Variants in BMPR1B observed in about 807,000 individuals in gnomAD.
BMPR1B encodes the protein bone morphogenetic protein receptor type 1B.
A neutral mutation model predicts 59.1 loss-of-function variants in BMPR1B; 12 were observed. The observed-to-expected ratio is 0.20, with a 90% CI of 0.13 to 0.33. The LOEUF (loss-of-function observed/expected upper bound fraction) is 0.33, where lower values mean the gene tolerates loss of function less well. Ranked by LOEUF, BMPR1B falls within the 10% of genes least tolerant of loss-of-function variation. The pLI, the probability that BMPR1B is intolerant of heterozygous loss-of-function variation, is 1.00. For synonymous variants in BMPR1B, 237 were observed against 207.3 expected (o/e 1.14, Z -1.23); for missense variants, 550 against 610.9 (o/e 0.90, Z 1.05).
At chr4:94,889,476 A>G (rs1376226709) in intron 2 of BMPR1B, among the ~76,000 whole-genome samples, 2 of 152,260 alleles carry the variant, frequency 1.3e-5, no homozygotes, top group East Asian at 1.9e-4. Context: ...TCCAGAGCTC[A>G]TGCATGTTCT....
At chr4:95,062,896 T>C (rs1241997197) in intron 3 of BMPR1B, among the ~76,000 whole-genome samples, 1 of 152,186 alleles carries the variant, frequency 6.6e-6, no homozygotes, top group Non-Finnish European at 1.5e-5. Flanking sequence ...ATACTGACTT[T>C]GGTTTTGCAA....
At chr4:94,853,761 A>G (rs1236238259) in intron 1 of BMPR1B, among the ~76,000 whole-genome samples, 1 of 152,154 alleles carries the variant, frequency 6.6e-6, no homozygotes, top group Admixed American at 6.5e-5. Flanking sequence ...ATTTCTCCAA[A>G]TCACTGCAAA....
At chr4:94,857,463 T>G (rs12510077) in intron 1 of BMPR1B, among the ~76,000 whole-genome samples, 16,996 of 152,266 alleles carry the variant, frequency 0.11, 1,257 homozygotes, top group East Asian at 0.22. Context: ...TCTAGTGGAC[T>G]ATAAGATATT....
intron 1 of BMPR1B, among the ~76,000 whole-genome samples, chr4:94,789,718 A>C (rs1722903099): frequency 2.0e-5 from 3 of 152,200 alleles, no homozygotes; most frequent in African/African-American, 7.2e-5. Flanking sequence ...TCAAGCAGCA[A>C]ATTCCAACAA....
intron 10 of BMPR1B, among the ~76,000 whole-genome samples, chr4:95,136,181 G>A (rs982231954): frequency 2.2e-4 from 34 of 151,976 alleles, no homozygotes; most frequent in African/African-American, 8.0e-4. Context: ...AAAAGTCCAG[G>A]ACCAGACGGA....
intron 1 of BMPR1B, among the ~76,000 whole-genome samples, chr4:94,831,012 G>GGTT (rs1213573750): frequency 6.6e-6 from 1 of 152,116 alleles, no homozygotes; most frequent in African/African-American, 2.4e-5. Context: ...AAAAAGAAAA[G>GGTT]GTTAACTGTA....
At position 94,985,030 on chromosome 4, in the gene BMPR1B, C is replaced by T. The variant is rs112748189; in HGVS notation, c.-112-11010C>T. On this transcript the variant is annotated intron_variant, in intron 2 of 12. Coordinates refer to ENST00000515059, the MANE Select transcript of BMPR1B (RefSeq NM_001203.3). The stretch of plus-strand genomic sequence containing the variant: ...TGAACAGAGGTATGGAAAGTCTACA[C>T]GTGGCACTTCCTGTGAACAGATGGC... 9.0e-3 allele frequency among the ~76,000 whole-genome samples: 1,374 copies of T among 152,210 alleles called. 10 individuals carry two copies. The highest frequency in any genetic ancestry group is 0.013 in the Non-Finnish European group (875 of 68,008).
At chr4:94,787,537 A>G (rs1454733736) in intron 1 of BMPR1B, among the ~76,000 whole-genome samples, 1 of 152,148 alleles carries the variant, frequency 6.6e-6, no homozygotes, top group South Asian at 2.1e-4. Flanking sequence ...CCAGTTTATT[A>G]CACTTAGCTC....
intron 3 of BMPR1B, among the ~76,000 whole-genome samples, chr4:95,009,926 C>A (rs1352108573): frequency 6.6e-6 from 1 of 152,058 alleles, no homozygotes; most frequent in Non-Finnish European, 1.5e-5. Context: ...GAGAATCTAG[C>A]CAAAAGATGG....
intron 2 of BMPR1B, among the ~76,000 whole-genome samples, chr4:94,980,081 G>A (rs182757761): frequency 5.3e-5 from 8 of 152,242 alleles, no homozygotes; most frequent in Admixed American, 5.2e-4. Context: ...CTCTTAAAAG[G>A]ATTAAAGGTG....
At chr4:95,033,829 A>C (rs1816461) in intron 3 of BMPR1B, among the ~76,000 whole-genome samples, 1 of 152,056 alleles carries the variant, frequency 6.6e-6, no homozygotes, top group Non-Finnish European at 1.5e-5. Context: ...AGCATGGACA[A>C]AGATGAAAGA....
Position 95,111,080 on chromosome 4 carries a change from A to G in BMPR1B, c.144-3640A>G, listed in dbSNP as rs1731596070. On this transcript the variant is annotated intron_variant, in intron 4 of 12. Transcript: ENST00000515059. Reference sequence around the variant, plus strand: ...TAAAAATCAATTCTGACTAAAATGTAAAAGAAATTCAAAAGAAATTTAAGA... The same window carrying G: ...TAAAAATCAATTCTGACTAAAATGTGAAAGAAATTCAAAAGAAATTTAAGA... 2.0e-5 allele frequency among the ~76,000 whole-genome samples: 3 copies of G among 152,178 alleles called. No individual in the cohort carries two copies. In the South Asian group the frequency reaches 6.2e-4, roughly 31 times the overall value.
chr4:94,970,063 C>T (rs1475915826), intron 2 of BMPR1B, among the ~76,000 whole-genome samples: 1 of 151,994 alleles, frequency 6.6e-6, no homozygotes, highest in Non-Finnish European at 1.5e-5. Context: ...ACTTATAAGC[C>T]AAGATTTTTT....
chr4:95,104,262 A>G (rs1052459509), intron 3 of BMPR1B, 146 bp from the exon 4 acceptor site: 1 of 974,120 alleles, frequency 1.0e-6, no homozygotes, highest in African/African-American at 1.6e-5. Context: ...GATTTTAATC[A>G]AAATACCAAA....
chr4:94,804,386 A>G (rs530596626), intron 1 of BMPR1B, among the ~76,000 whole-genome samples: 251 of 152,292 alleles, frequency 1.6e-3, no homozygotes, highest in Non-Finnish European at 2.9e-3. Flanking sequence ...ATTGTGCGGT[A>G]GGAAAAGAGG....
intron 4 of BMPR1B, 118 bp from the exon 5 acceptor site, chr4:95,114,602 C>G (rs901525870): frequency 4.4e-6 from 4 of 899,226 alleles, no homozygotes; most frequent in East Asian, 2.4e-5. Context: ...CTCCTTGTTG[C>G]AATAAAACAA....
chr4:95,151,941 A>G (rs934498646), intron 11 of BMPR1B, among the ~76,000 whole-genome samples: 2 of 152,302 alleles, frequency 1.3e-5, no homozygotes, highest in Non-Finnish European at 1.5e-5. Context: ...ATTAAATACT[A>G]GGAACAATAA....
At chr4:94,976,838 A>T (rs1731051791) in intron 2 of BMPR1B, among the ~76,000 whole-genome samples, 1 of 152,004 alleles carries the variant, frequency 6.6e-6, no homozygotes, top group African/African-American at 2.4e-5. Context: ...TTGCTGAATG[A>T]GTAATCAGTC....
intron 3 of BMPR1B, among the ~76,000 whole-genome samples, chr4:95,088,356 G>A (rs1729743474): frequency 6.6e-6 from 1 of 151,950 alleles, no homozygotes; most frequent in Non-Finnish European, 1.5e-5. Context: ...CATAGTTGGG[G>A]GTGGGTAGAT....
Sources: allele counts gnomAD v4.1 joint callset (sites outside exome capture counted in the v4.1 genomes callset), GRCh38; gene constraint gnomAD v4.1.1; transcripts MANE v1.5; gene names NCBI Gene and HGNC (gene_info 2026-07-23, HGNC 2026-07-21).